Variants in R3HDM2 observed in about 807,000 individuals in gnomAD.
The protein encoded by R3HDM2 is R3H domain-containing protein 2.
R3HDM2 carries 38 observed loss-of-function variants against 124.5 expected under a neutral mutation model. That is an observed-to-expected ratio of 0.31 (90% confidence interval 0.24 to 0.40). The LOEUF (loss-of-function observed/expected upper bound fraction) is 0.40, where lower values mean the gene tolerates loss of function less well. Among genes scored for constraint, R3HDM2 ranks in the 10% least tolerant of loss-of-function variants. R3HDM2 has a pLI of 1.00. For missense variants in R3HDM2, 869 were observed against 1,236.9 expected (o/e 0.70, Z 4.46); for synonymous variants, 391 against 448.0 (o/e 0.87, Z 1.61).
chr12:57,375,900 C>G (rs2063997417), intron 2 of R3HDM2, among the ~76,000 whole-genome samples: 1 of 152,050 alleles, frequency 6.6e-6, no homozygotes, highest in South Asian at 2.1e-4. Flanking sequence ...TCTCGATCTC[C>G]TGACCTCGTG....
intron 2 of R3HDM2, among the ~76,000 whole-genome samples, chr12:57,339,421 G>C (rs1468012460): frequency 2.0e-5 from 3 of 152,136 alleles, no homozygotes; most frequent in African/African-American, 7.2e-5. Flanking sequence ...AGAAGCTCTT[G>C]GCAGATGTGG....
intron 3 of R3HDM2, among the ~76,000 whole-genome samples, 153 bp from the exon 4 acceptor site, chr12:57,303,370 C>A (rs569635251): frequency 1.3e-5 from 2 of 152,162 alleles, no homozygotes; most frequent in African/African-American, 4.8e-5. Flanking sequence ...TTTCTCCCTA[C>A]AACCTACAAC....
intron 22 of R3HDM2, 110 bp from the exon 23 acceptor site, chr12:57,256,184 C>T: frequency 8.9e-7 from 1 of 1,120,538 alleles, no homozygotes; most frequent in South Asian, 1.3e-5. Context: ...AGGACCCCAC[C>T]CCACTAGGCA....
intron 2 of R3HDM2, among the ~76,000 whole-genome samples, chr12:57,360,008 T>TAA (rs1246477444): frequency 0.01 from 910 of 89,180 alleles, 6 homozygotes; most frequent in East Asian, 0.015. Flanking sequence ...AATAAATAAA[T>TAA]ATATATATAT....
intron 2 of R3HDM2, among the ~76,000 whole-genome samples, chr12:57,318,507 G>A (rs1402373759): frequency 6.6e-6 from 1 of 152,058 alleles, no homozygotes; most frequent in Non-Finnish European, 1.5e-5. Flanking sequence ...AAATTAGCCA[G>A]GCATGGTGGT....
intron 2 of R3HDM2, among the ~76,000 whole-genome samples, chr12:57,332,838 G>C (rs575642562): frequency 1.8e-4 from 27 of 152,274 alleles, no homozygotes; most frequent in Admixed American, 1.7e-3. Flanking sequence ...TGGAGGTGAT[G>C]ATATAATGAT....
intron 1 of R3HDM2, among the ~76,000 whole-genome samples, chr12:57,426,118 C>G (rs1476054685): frequency 2.0e-5 from 3 of 152,070 alleles, no homozygotes; most frequent in Admixed American, 6.5e-5. Context: ...ATCCCAGCTA[C>G]TTGGGAGGCT....
chr12:57,361,861 G>A (rs1036419145), intron 2 of R3HDM2, among the ~76,000 whole-genome samples: 2 of 152,164 alleles, frequency 1.3e-5, no homozygotes, highest in African/African-American at 4.8e-5. Context: ...AAAATGTCAA[G>A]GTAACAGAAA....
At chr12:57,264,255 A>C (rs1459051007) in intron 19 of R3HDM2, among the ~76,000 whole-genome samples, 5 of 137,924 alleles carry the variant, frequency 3.6e-5, no homozygotes, top group African/African-American at 1.3e-4. Context: ...AAAAAAAAAA[A>C]AGACTTCCTT....
intron 2 of R3HDM2, among the ~76,000 whole-genome samples, chr12:57,323,976 C>T (rs1010934545): frequency 1.3e-5 from 2 of 152,098 alleles, no homozygotes; most frequent in Non-Finnish European, 2.9e-5. Context: ...AAAGTTCACA[C>T]TGTCTTTTCC....
At chr12:57,281,353 C>A (rs1051117755) in intron 13 of R3HDM2, among the ~76,000 whole-genome samples, 2 of 151,850 alleles carry the variant, frequency 1.3e-5, no homozygotes, top group East Asian at 3.9e-4. Flanking sequence ...TTATCCAACT[C>A]ATTTCCCCAT....
At chr12:57,308,331 T>C (rs1026053416) in intron 3 of R3HDM2, among the ~76,000 whole-genome samples, 3 of 151,616 alleles carry the variant, frequency 2.0e-5, no homozygotes, top group Non-Finnish European at 4.4e-5. Context: ...GCTGGGATTA[T>C]AGGCATGAGC....
chr12:57,390,623 G>A (rs1421237169), intron 2 of R3HDM2, among the ~76,000 whole-genome samples: 1 of 152,146 alleles, frequency 6.6e-6, no homozygotes, highest in Non-Finnish European at 1.5e-5. Context: ...CTTGAGCCCA[G>A]GAGTTCGAGG....
intron 12 of R3HDM2, among the ~76,000 whole-genome samples, chr12:57,287,814 CTGCCTTG>C (rs1431645134): frequency 2.0e-5 from 3 of 152,132 alleles, no homozygotes; most frequent in Non-Finnish European, 4.4e-5. Flanking sequence ...TCTCTTACCA[CTGCCTTG>C]TATTATCCTC....
intron 2 of R3HDM2, among the ~76,000 whole-genome samples, chr12:57,338,157 T>G (rs1027600424): frequency 1.3e-5 from 2 of 151,924 alleles, no homozygotes; most frequent in African/African-American, 4.8e-5. Context: ...TACAAAATTA[T>G]CCGGGCATGG....
chr12:57,345,500 TACACAC>T (rs55903347), intron 2 of R3HDM2, among the ~76,000 whole-genome samples: 48,790 of 147,278 alleles, frequency 0.33, 8,239 homozygotes, highest in Middle Eastern at 0.59. Flanking sequence ...ATTTCTTTTA[TACACAC>T]ACACACACAC....
chr12:57,301,188 A>G (rs2051066183), intron 4 of R3HDM2, among the ~76,000 whole-genome samples: 2 of 152,186 alleles, frequency 1.3e-5, no homozygotes, highest in South Asian at 4.1e-4. Flanking sequence ...TTAATGCAAT[A>G]AAACCTAATC....
At chr12:57,298,980 A>AATAAAT (rs2050507538) in intron 6 of R3HDM2, among the ~76,000 whole-genome samples, 1 of 152,108 alleles carries the variant, frequency 6.6e-6, no homozygotes, top group South Asian at 2.1e-4. Context: ...TAAAAATAAA[A>AATAAAT]ATAAAAATAA....
rs1370913317 is a variant in R3HDM2 at position 57,430,788 on chromosome 12, T to A, written c.-174A>T. 1.3e-5 allele frequency: 2 copies of A among 155,380 alleles called. No individual in the cohort carries two copies. The highest frequency in any genetic ancestry group is 4.9e-5 in the African/African-American group (2 of 40,742). 9.6% of individuals were successfully genotyped at this position (155,380 alleles called of 1,614,324 possible). On this transcript the variant is annotated 5_prime_UTR_variant, in exon 1 of 24. Coordinates refer to ENST00000402412, the MANE Select transcript of R3HDM2 (RefSeq NM_001394031.1). ...CCGCCCGGGCCCACGGCCGCTCGGC[T>A]GCGGCTCGGCCCCGACGGCCGGCGG...
Sources: gnomAD v4.1 joint callset for allele counts (sites outside exome capture counted in the v4.1 genomes callset) on GRCh38, gnomAD v4.1.1 for gene constraint, MANE v1.5 for transcripts, NCBI Gene and HGNC (gene_info 2026-07-23, HGNC 2026-07-21) for gene names.